The following LOC400499 variants were observed in gnomAD, a reference collection of about 807,000 sequenced individuals.
chr16:11,389,554 G>A, the LOC400499 span, among the ~76,000 whole-genome samples: 4 of 151,828 alleles, frequency 2.6e-5, no homozygotes, highest in African/African-American at 9.7e-5. Flanking sequence ...GGGATGGCAC[G>A]CGCACCTGTA....
chr16:11,455,920 A>G, the LOC400499 span, among the ~76,000 whole-genome samples: 64,495 of 151,824 alleles, frequency 0.42, 14,314 homozygotes, highest in Non-Finnish European at 0.5. Flanking sequence ...AGCATAATAC[A>G]ATGAGCCCCC....
the LOC400499 span, chr16:11,401,145 A>T: frequency 5.0e-6 from 2 of 397,910 alleles, no homozygotes; most frequent in Non-Finnish European, 8.9e-6. Context: ...ATTCCGGAGA[A>T]GTCTTTGTCA....
At chr16:11,488,508 C>T in the LOC400499 span, among the ~76,000 whole-genome samples, 15 of 152,148 alleles carry the variant, frequency 9.9e-5, no homozygotes, top group Non-Finnish European at 5.9e-5. Flanking sequence ...CAGACTTGAC[C>T]TCCTGGGCTC....
At chr16:11,446,490 G>T in the LOC400499 span, 1 of 1,452,930 alleles carries the variant, frequency 6.9e-7, no homozygotes, top group South Asian at 1.2e-5. Context: ...ATTGAGCGAT[G>T]ACAGCAACTT....
chr16:11,439,465 T>A, the LOC400499 span: 1 of 398,800 alleles, frequency 2.5e-6, no homozygotes, highest in African/African-American at 2.1e-5. Context: ...GTCAAGGTCA[T>A]CTCCAAGGGA....
At chr16:11,396,803 C>G in the LOC400499 span, 1 of 757,028 alleles carries the variant, frequency 1.3e-6, no homozygotes, top group Non-Finnish European at 1.8e-6. Context: ...CAGCTCACAG[C>G]TGACCTCTAA....
chr16:11,417,044 T>G, the LOC400499 span, among the ~76,000 whole-genome samples: 1 of 152,172 alleles, frequency 6.6e-6, no homozygotes, highest in African/African-American at 2.4e-5. Flanking sequence ...TGCTGGCTCC[T>G]CTTGTTGCTT....
At chr16:11,421,544 C>A in the LOC400499 span, among the ~76,000 whole-genome samples, 3 of 152,050 alleles carry the variant, frequency 2.0e-5, no homozygotes, top group Non-Finnish European at 1.5e-5. Flanking sequence ...TGGGATTATA[C>A]GCATGCGCCA....
the LOC400499 span, among the ~76,000 whole-genome samples, chr16:11,464,287 T>G: frequency 1.3e-5 from 2 of 152,254 alleles, no homozygotes. Context: ...CAGCTTTTCC[T>G]GCTGGCAGGC....
chr16:11,518,616 G>C, the LOC400499 span, among the ~76,000 whole-genome samples: 1 of 152,124 alleles, frequency 6.6e-6, no homozygotes, highest in African/African-American at 2.4e-5. Flanking sequence ...CTCCCACCAG[G>C]TAAGAGAAGA....
chr16:11,403,589 GA>G, the LOC400499 span, among the ~76,000 whole-genome samples: 1 of 152,220 alleles, frequency 6.6e-6, no homozygotes, highest in South Asian at 2.1e-4. Flanking sequence ...GTGACGCTGG[GA>G]GGATTCCATC....
At chr16:11,398,648 CT>C in the LOC400499 span, 1 of 584,962 alleles carries the variant, frequency 1.7e-6, no homozygotes, top group Non-Finnish European at 2.5e-6. Flanking sequence ...ACAGCACCCC[CT>C]TACACTCTGC....
At chr16:11,402,965 T>C in the LOC400499 span, among the ~76,000 whole-genome samples, 1 of 151,864 alleles carries the variant, frequency 6.6e-6, no homozygotes, top group African/African-American at 2.4e-5. Context: ...GTGCTCTCCT[T>C]CCATCTTGGA....
chr16:11,385,903 G>A, the LOC400499 span, among the ~76,000 whole-genome samples: 4 of 152,090 alleles, frequency 2.6e-5, no homozygotes, highest in South Asian at 2.1e-4. Flanking sequence ...CAGGCACGGC[G>A]GCGCTAAAAG....
At chr16:11,432,054 G>C in the LOC400499 span, among the ~76,000 whole-genome samples, 1 of 152,220 alleles carries the variant, frequency 6.6e-6, no homozygotes. Context: ...GCAGCCACTT[G>C]AAAAGAGAGA....
chr16:11,473,289 A>G, the LOC400499 span: 1 of 151,542 alleles, frequency 6.6e-6, no homozygotes, highest in Non-Finnish European at 1.5e-5. Context: ...AAACATTATC[A>G]AGAAGCAAAA....
chr16:11,428,111 A>G, the LOC400499 span, among the ~76,000 whole-genome samples: 3 of 152,138 alleles, frequency 2.0e-5, no homozygotes, highest in Non-Finnish European at 2.9e-5. Context: ...CTGGTTGCCC[A>G]TTATTATGGT....
At chr16:11,462,276 C>G in the LOC400499 span, 1 of 1,509,822 alleles carries the variant, frequency 6.6e-7, no homozygotes, top group Non-Finnish European at 8.8e-7. Flanking sequence ...GCCTCGCCAC[C>G]CATGGCTGGC....
chr16:11,470,879 G>A, the LOC400499 span, among the ~76,000 whole-genome samples: 3 of 152,330 alleles, frequency 2.0e-5, no homozygotes, highest in South Asian at 2.1e-4. Flanking sequence ...TTAGGTGGAT[G>A]TCCCGGGGAA....
Sources: gnomAD v4.1 joint callset for allele counts (sites outside exome capture counted in the v4.1 genomes callset) on GRCh38, gnomAD v4.1.1 for gene constraint, MANE v1.5 for transcripts.